WWOX: variants seen among roughly 807,000 people sequenced by gnomAD.
WWOX encodes the protein WW domain-containing oxidoreductase.
A neutral mutation model predicts 46.2 loss-of-function variants in WWOX; 69 were observed. The observed-to-expected ratio is 1.49, with a 90% confidence interval of 1.23 to 1.82. The LOEUF is 1.82. Ranked by LOEUF, WWOX falls within the 40% of genes most tolerant of loss-of-function variation. The pLI is 0.00. For missense variants in WWOX, 919 were observed against 542.6 expected (o/e 1.69, Z -6.89); for synonymous variants, 359 against 202.6 (o/e 1.77, Z -6.56).
intron 8 of WWOX, chr16:78,691,153 G>A (rs1047763642): frequency 2.9e-6 from 2 of 682,008 alleles, no homozygotes; most frequent in Non-Finnish European, 2.7e-6. Flanking sequence ...CAAAAGCACA[G>A]TATTTCCCCC....
intron 8 of WWOX, among the ~76,000 whole-genome samples, chr16:78,787,173 C>T (rs186625568): frequency 6.6e-6 from 1 of 151,938 alleles, no homozygotes; most frequent in African/African-American, 2.4e-5. Flanking sequence ...ACAAACAAAA[C>T]AAAAAAAGTT....
At chr16:78,500,813 C>G (rs1408389892) in intron 8 of WWOX, among the ~76,000 whole-genome samples, 1 of 152,184 alleles carries the variant, frequency 6.6e-6, no homozygotes, top group Non-Finnish European at 1.5e-5. Context: ...TTGATCAGTA[C>G]AGACCCAGAG....
At chr16:79,171,284 C>A (rs1351277694) in intron 8 of WWOX, among the ~76,000 whole-genome samples, 1 of 152,162 alleles carries the variant, frequency 6.6e-6, no homozygotes, top group African/African-American at 2.4e-5. Context: ...CTGATAATGG[C>A]TTTCAATTAT....
intron 8 of WWOX, among the ~76,000 whole-genome samples, chr16:79,107,457 AC>A (rs1178374174): frequency 4.0e-4 from 61 of 152,324 alleles, no homozygotes; most frequent in African/African-American, 1.2e-3. Flanking sequence ...TATATCAATA[AC>A]AAAGAAAAGA....
chr16:79,125,343 C>T (rs1265039764), intron 8 of WWOX, among the ~76,000 whole-genome samples: 5 of 152,170 alleles, frequency 3.3e-5, no homozygotes, highest in Non-Finnish European at 5.9e-5. Context: ...CCTAAATGCT[C>T]ATAGCGTCCA....
chr16:78,538,916 C>G (rs1162224210), intron 8 of WWOX, among the ~76,000 whole-genome samples: 1 of 152,198 alleles, frequency 6.6e-6, no homozygotes, highest in Non-Finnish European at 1.5e-5. Flanking sequence ...TATGTTTCTT[C>G]TGTTGCAATT....
intron 8 of WWOX, among the ~76,000 whole-genome samples, chr16:79,160,406 C>T (rs1287835599): frequency 6.6e-6 from 1 of 152,140 alleles, no homozygotes; most frequent in Non-Finnish European, 1.5e-5. Context: ...CTAGACAAAT[C>T]ACAGCACCTC....
At chr16:78,396,373 T>A (rs577662830) in intron 6 of WWOX, among the ~76,000 whole-genome samples, 1 of 152,322 alleles carries the variant, frequency 6.6e-6, no homozygotes, top group East Asian at 1.9e-4. Flanking sequence ...AATGAAAATG[T>A]GTTCGAATTA....
chr16:78,773,899 C>T (rs1195214072), intron 8 of WWOX, among the ~76,000 whole-genome samples: 4 of 152,096 alleles, frequency 2.6e-5, no homozygotes, highest in Non-Finnish European at 5.9e-5. Flanking sequence ...TATGGGAGAT[C>T]CAGAATTGGA....
intron 6 of WWOX, among the ~76,000 whole-genome samples, chr16:78,403,235 A>G (rs12102951): frequency 0.069 from 10,451 of 152,214 alleles, 1,185 homozygotes; most frequent in African/African-American, 0.24. Context: ...TAAGTTGTAA[A>G]TTCACCTCTG....
At chr16:78,936,830 G>A (rs984746363) in intron 8 of WWOX, among the ~76,000 whole-genome samples, 2 of 152,160 alleles carry the variant, frequency 1.3e-5, no homozygotes, top group Non-Finnish European at 2.9e-5. Flanking sequence ...TCGCTGTCAG[G>A]CTCACATAAA....
chr16:78,408,642 C>T (rs2082603769), intron 6 of WWOX, among the ~76,000 whole-genome samples: 1 of 152,198 alleles, frequency 6.6e-6, no homozygotes, highest in African/African-American at 2.4e-5. Context: ...GAACTTGTGT[C>T]ATTCCGTTGT....
chr16:78,114,132 C>G (rs373996486), intron 3 of WWOX, among the ~76,000 whole-genome samples: 1 of 129,806 alleles, frequency 7.7e-6, no homozygotes, highest in Non-Finnish European at 1.6e-5. Context: ...GGGTCTTGGT[C>G]TGTCACCCAG....
At chr16:78,565,573 T>G (rs1475935589) in intron 8 of WWOX, among the ~76,000 whole-genome samples, 2 of 152,202 alleles carry the variant, frequency 1.3e-5, no homozygotes, top group African/African-American at 2.4e-5. Flanking sequence ...CAGATAATCT[T>G]GGATAATCAC....
intron 8 of WWOX, among the ~76,000 whole-genome samples, chr16:78,902,261 C>G (rs1181511060): frequency 6.6e-6 from 1 of 152,196 alleles, no homozygotes; most frequent in Non-Finnish European, 1.5e-5. Flanking sequence ...CAAACCCCAC[C>G]AAATGCCTTT....
chr16:78,752,883 G>C (rs111528511), intron 8 of WWOX, among the ~76,000 whole-genome samples: 1 of 152,318 alleles, frequency 6.6e-6, no homozygotes, highest in South Asian at 2.1e-4. Context: ...AATCTGTCCT[G>C]GTCCCATCTT....
chr16:79,163,740 T>C (rs1422883681), intron 8 of WWOX, among the ~76,000 whole-genome samples: 1 of 141,292 alleles, frequency 7.1e-6, no homozygotes, highest in Non-Finnish European at 1.5e-5. Context: ...GAGGTTGCAG[T>C]GAGCTGAGAT....
At chr16:78,767,434 A>G (rs965093533) in intron 8 of WWOX, among the ~76,000 whole-genome samples, 1 of 151,076 alleles carries the variant, frequency 6.6e-6, no homozygotes, top group Non-Finnish European at 1.5e-5. Context: ...CTGCCACAAA[A>G]TTTCTTTGTT....
chr16:79,211,470 GTACCCT>G, intron 8 of WWOX, 132 bp from the exon 9 acceptor site: 1 of 1,078,414 alleles, frequency 9.3e-7, no homozygotes, highest in Non-Finnish European at 1.4e-6. Context: ...TTTCAGCCCA[GTACCCT>G]TTGCTATGCC....
Sources: allele counts gnomAD v4.1 joint callset (sites outside exome capture counted in the v4.1 genomes callset), GRCh38; gene constraint gnomAD v4.1.1; transcripts MANE v1.5; gene names NCBI Gene and HGNC (gene_info 2026-07-23, HGNC 2026-07-21).